WDR27: variants seen among roughly 807,000 people sequenced by gnomAD.
The protein encoded by WDR27 is WD repeat-containing protein 27.
WDR27 carries 100 observed loss-of-function variants against 114.4 expected under a neutral mutation model. The ratio of observed to expected loss-of-function variants is 0.87; its 90% CI spans 0.74 to 1.03. The LOEUF (loss-of-function observed/expected upper bound fraction) is 1.03. Among genes scored for constraint, WDR27 ranks in the 50% least tolerant of loss-of-function variants. The pLI, the probability that WDR27 is intolerant of heterozygous loss-of-function variation, is 0.00. For missense variants in WDR27, 1,129 were observed against 1,092.9 expected, an observed-to-expected ratio of 1.03 and a Z score of -0.47; for synonymous variants, 449 against 423.1, an observed-to-expected ratio of 1.06 and a Z score of -0.75.
rs1784408864 is a variant in WDR27, at chr6:169,457,396, A to C, written c.*196T>G. 2.1e-6 allele frequency: 1 copy of C among 466,976 alleles called. No homozygotes were observed. Among genetic ancestry groups the C allele is most frequent in the South Asian group, 4.2e-5 (1 of 23,920 alleles). The allele number at this position is 466,976 out of a possible 1,614,324, so 28.9% of individuals were successfully genotyped here. A position where few individuals can be genotyped will look rare whatever the true frequency, so the allele number is the denominator to read the frequency against. ...CCAATGAAGGGGATCCCTTTTGAGGAGCAGAAAGACATAAAACTCTGACAT... is the reference window on the plus strand; with the variant it reads ...CCAATGAAGGGGATCCCTTTTGAGGCGCAGAAAGACATAAAACTCTGACAT... On this transcript the variant is annotated 3_prime_UTR_variant, in exon 26 of 26. Coordinates refer to ENST00000448612, the MANE Select transcript of WDR27 (RefSeq NM_182552.5).
intron 23 of WDR27, among the ~76,000 whole-genome samples, chr6:169,586,409 T>C (rs1397042239): frequency 6.8e-6 from 1 of 147,360 alleles, no homozygotes; most frequent in Non-Finnish European, 1.5e-5. Context: ...TTCCATAGCA[T>C]TGACAACCCT....
chr6:169,511,683 T>C (rs1220431065), intron 25 of WDR27, among the ~76,000 whole-genome samples: 2 of 151,976 alleles, frequency 1.3e-5, no homozygotes. Context: ...TATTTACTAT[T>C]TGGCCTTTTA....
In WDR27 at chr6:169,556,480, C is replaced by T. The variant is rs1292260456; in HGVS notation, c.2645+15939G>A. On this transcript the variant is annotated intron_variant, in intron 25 of 25. Transcript: ENST00000448612. Reference sequence around the variant, plus strand: ...TTTTGCTAATACTGTCATGTAGCAACGGGTTATAGATCCAAATGGAATAAA... The same window carrying T: ...TTTTGCTAATACTGTCATGTAGCAATGGGTTATAGATCCAAATGGAATAAA... Among the ~76,000 whole-genome samples, 6 of 152,210 alleles carry T rather than the reference C, an allele frequency of 3.9e-5. No homozygotes were observed. The East Asian group carries it at 5.8e-4, about 15-fold the overall frequency.
In WDR27 at chr6:169,686,691, C is replaced by G. The variant is rs542848012; in HGVS notation, c.189+2126G>C. Among the ~76,000 whole-genome samples, 26 of 152,172 alleles carry G rather than the reference C, an allele frequency of 1.7e-4. No homozygotes were observed. The East Asian group carries it at 5.0e-3, about 29-fold the overall frequency. ...CAATACATTATATAATAATGCACTC[C>G]CATATTTATTGCAGCACTATCACAA... On this transcript the variant is annotated intron_variant, in intron 2 of 25. Coordinates refer to ENST00000448612, the MANE Select transcript of WDR27 (RefSeq NM_182552.5).
intron 25 of WDR27, among the ~76,000 whole-genome samples, chr6:169,520,245 C>T (rs1480031368): frequency 6.6e-6 from 1 of 152,094 alleles, no homozygotes; most frequent in East Asian, 1.9e-4. Flanking sequence ...CTGGAATATC[C>T]CTTTGGCATT....
rs144857941 is a variant in WDR27, at chr6:169,464,991, G to A, written c.2646-7357C>T. 9.4e-4 allele frequency among the ~76,000 whole-genome samples: 140 copies of A among 149,100 alleles called. 2 individuals carry two copies. The East Asian group carries it at 0.025, about 27-fold the overall frequency. ...TACAAAATTAGCTGGGTGTGGGGGC[G>A]CATGCCTGTAATCCCAGCACACTTT... is the stretch of plus-strand genomic sequence containing the variant. On this transcript the variant is annotated intron_variant, in intron 25 of 25. Transcript: ENST00000448612.
At chr6:169,665,311 T>C in intron 7 of WDR27, 175 bp downstream of exon 7, 1 of 1,385,880 alleles carries the variant, frequency 7.2e-7, no homozygotes, top group Non-Finnish European at 9.3e-7. Context: ...CCCAGGACCA[T>C]ATTGAACCCA....
At chr6:169,430,372 T>C in the WDR27 span, among the ~76,000 whole-genome samples, 1 of 152,164 alleles carries the variant, frequency 6.6e-6, no homozygotes, top group Admixed American at 6.5e-5. Flanking sequence ...GACGGTCTGG[T>C]AGAGAATCAG....
In WDR27 at chr6:169,680,003, A is replaced by G. The variant is rs537277635; in HGVS notation, c.190-7607T>C. 6.6e-4 allele frequency among the ~76,000 whole-genome samples: 100 copies of G among 152,366 alleles called. 1 individual carries two copies. In the South Asian group the frequency reaches 0.012, roughly 19 times the overall value. On this transcript the variant is annotated intron_variant, in intron 2 of 25. Coordinates refer to ENST00000448612, the MANE Select transcript of WDR27 (RefSeq NM_182552.5). ...CTCATTGAAATGATAGAAGAGCAAC[A>G]TATTAAAAACCTGAAGAAAAATCTG... is the stretch of plus-strand genomic sequence containing the variant.
Position 169,480,310 on chromosome 6 carries a change from G to A in WDR27, c.2646-22676C>T, listed in dbSNP as rs995176528. 4.6e-5 allele frequency among the ~76,000 whole-genome samples: 7 copies of A among 152,240 alleles called. No homozygotes were observed. The East Asian group carries it at 5.8e-4, about 13-fold the overall frequency. On this transcript the variant is annotated intron_variant, in intron 25 of 25. Coordinates refer to ENST00000448612, the MANE Select transcript of WDR27 (RefSeq NM_182552.5). ...TCGGGACCTGCAGCCTGACATGCCC[G>A]AGCCCCACCCCTGCCACTCCCGTGA... is the stretch of plus-strand genomic sequence containing the variant.
chr6:169,494,788 C>T (rs1016482102), intron 25 of WDR27, among the ~76,000 whole-genome samples: 3 of 152,118 alleles, frequency 2.0e-5, no homozygotes, highest in African/African-American at 7.2e-5. Flanking sequence ...TTAGTATCTA[C>T]CTATTAACCA....
intron 21 of WDR27, among the ~76,000 whole-genome samples, chr6:169,617,059 C>G (rs1421846528): frequency 6.6e-6 from 1 of 152,306 alleles, no homozygotes; most frequent in Middle Eastern, 3.4e-3. Context: ...CAACAATGCA[C>G]AATGTTGCTG....
At chr6:169,576,353 A>G (rs1202800899) in intron 24 of WDR27, among the ~76,000 whole-genome samples, 1 of 152,246 alleles carries the variant, frequency 6.6e-6, no homozygotes, top group Non-Finnish European at 1.5e-5. Flanking sequence ...TCCGAGATGA[A>G]GGGGATGCCA....
intron 25 of WDR27, among the ~76,000 whole-genome samples, chr6:169,507,812 T>C (rs576975686): frequency 1.3e-5 from 2 of 152,340 alleles, no homozygotes; most frequent in South Asian, 2.1e-4. Flanking sequence ...TGTCTGTGGC[T>C]TTCTTGACAC....
intron 25 of WDR27, among the ~76,000 whole-genome samples, chr6:169,522,047 T>C (rs112182845): frequency 0.036 from 5,523 of 152,052 alleles, 264 homozygotes; most frequent in African/African-American, 0.11. Context: ...AGTGGCTGAA[T>C]GAATAAAGAA....
At chr6:169,650,008 C>T (rs1416092425) in intron 14 of WDR27, among the ~76,000 whole-genome samples, 2 of 148,822 alleles carry the variant, frequency 1.3e-5, no homozygotes, top group African/African-American at 2.5e-5. Flanking sequence ...CCCTCTATTC[C>T]CCCTCCATCC....
At chr6:169,655,501 T>C (rs1222678482) in intron 13 of WDR27, among the ~76,000 whole-genome samples, 1 of 152,144 alleles carries the variant, frequency 6.6e-6, no homozygotes, top group Admixed American at 6.5e-5. Flanking sequence ...GTATAGCAAC[T>C]GAAGCAAATC....
At chr6:169,496,158 GA>G (rs1790376725) in intron 25 of WDR27, among the ~76,000 whole-genome samples, 1 of 151,754 alleles carries the variant, frequency 6.6e-6, no homozygotes, top group Non-Finnish European at 1.5e-5. Flanking sequence ...AGAATGAATG[GA>G]AAAAATGCAT....
At chr6:169,524,043 A>G (rs1332914320) in intron 25 of WDR27, among the ~76,000 whole-genome samples, 1 of 152,180 alleles carries the variant, frequency 6.6e-6, no homozygotes, top group Non-Finnish European at 1.5e-5. Flanking sequence ...GAAAAACCTA[A>G]AAACTCAACC....
Sources: allele counts gnomAD v4.1 joint callset (sites outside exome capture counted in the v4.1 genomes callset), GRCh38; gene constraint gnomAD v4.1.1; transcripts MANE v1.5; gene names NCBI Gene and HGNC (gene_info 2026-07-23, HGNC 2026-07-21).